Variants in ADGRL3 observed in about 807,000 individuals in gnomAD.
ADGRL3 encodes the protein adhesion G protein-coupled receptor L3, also known as calcium-independent alpha-latrotoxin receptor 3.
ADGRL3 carries 62 observed loss-of-function variants against 153.5 expected under a neutral mutation model. That is an observed-to-expected ratio of 0.40 (90% CI 0.33 to 0.50). The LOEUF is 0.50. ADGRL3 is among the 20% of genes least tolerant of loss of function. The probability of loss-of-function intolerance (pLI) is 0.47; values close to 1 mark genes in which losing one functional copy is unlikely to be tolerated. For missense variants in ADGRL3, 1,641 were observed against 1,859.4 expected (o/e 0.88, Z 2.16); for synonymous variants, 710 against 672.5 (o/e 1.06, Z -0.86).
chr4:61,640,869 A>G (rs894960396), intron 5 of ADGRL3, among the ~76,000 whole-genome samples: 1 of 152,182 alleles, frequency 6.6e-6, no homozygotes, highest in Non-Finnish European at 1.5e-5. Context: ...TTTGTGAATT[A>G]ACCAGAATTT....
intron 23 of ADGRL3, among the ~76,000 whole-genome samples, chr4:62,032,053 T>C (rs1306122997): frequency 3.3e-5 from 5 of 151,454 alleles, no homozygotes; most frequent in Non-Finnish European, 7.4e-5. Flanking sequence ...TTTCTGTTTC[T>C]TCAAACACTA....
chr4:61,651,526 G>A (rs2094248621), intron 5 of ADGRL3, among the ~76,000 whole-genome samples: 1 of 152,052 alleles, frequency 6.6e-6, no homozygotes, highest in Non-Finnish European at 1.5e-5. Flanking sequence ...ACTAGTATTT[G>A]TTTGGGGGAG....
intron 2 of ADGRL3, among the ~76,000 whole-genome samples, chr4:61,482,795 T>A (rs1010766775): frequency 7.2e-5 from 11 of 152,322 alleles, no homozygotes; most frequent in African/African-American, 1.9e-4. Context: ...AAAATAGTTT[T>A]GGAAAGCCAC....
chr4:61,978,994 G>A (rs756238218), intron 17 of ADGRL3, among the ~76,000 whole-genome samples: 2 of 152,102 alleles, frequency 1.3e-5, no homozygotes, highest in Admixed American at 6.6e-5. Flanking sequence ...GTGCACATGT[G>A]TGGCTATTCA....
chr4:61,460,894 AC>A (rs1195451243), intron 2 of ADGRL3, among the ~76,000 whole-genome samples: 2 of 152,030 alleles, frequency 1.3e-5, no homozygotes, highest in Non-Finnish European at 2.9e-5. Flanking sequence ...CAATGGTGAA[AC>A]CCTGTCTCTA....
intron 4 of ADGRL3, among the ~76,000 whole-genome samples, chr4:61,529,995 C>A (rs1261563609): frequency 6.6e-6 from 1 of 152,080 alleles, no homozygotes; most frequent in East Asian, 1.9e-4. Context: ...TATTCCTTAT[C>A]TGTACATTGA....
chr4:61,652,525 C>G (rs2094297119), intron 5 of ADGRL3, among the ~76,000 whole-genome samples: 1 of 152,104 alleles, frequency 6.6e-6, no homozygotes, highest in Admixed American at 6.6e-5. Context: ...ACCCATCTCT[C>G]CTACATGACC....
At chr4:61,835,787 C>A (rs1047772525) in intron 9 of ADGRL3, among the ~76,000 whole-genome samples, 1 of 152,110 alleles carries the variant, frequency 6.6e-6, no homozygotes, top group African/African-American at 2.4e-5. Context: ...CGAATCATTC[C>A]AGAAGCCAAG....
chr4:61,397,717 C>G (rs542687758), intron 2 of ADGRL3, among the ~76,000 whole-genome samples: 1 of 151,810 alleles, frequency 6.6e-6, no homozygotes, highest in African/African-American at 2.4e-5. Context: ...AGCTAATTTC[C>G]TATAAAAAAA....
At chr4:61,984,794 GCAAAGTA>G (rs1242891446) in intron 19 of ADGRL3, among the ~76,000 whole-genome samples, 1 of 152,014 alleles carries the variant, frequency 6.6e-6, no homozygotes, top group Non-Finnish European at 1.5e-5. Context: ...AGCCATTTTT[GCAAAGTA>G]CTAGAAGCAG....
intron 21 of ADGRL3, among the ~76,000 whole-genome samples, chr4:62,024,675 A>C (rs1246182605): frequency 6.6e-6 from 1 of 152,116 alleles, no homozygotes; most frequent in East Asian, 1.9e-4. Context: ...TCACGCCTGT[A>C]ATCCCAGCAC....
intron 1 of ADGRL3, among the ~76,000 whole-genome samples, chr4:61,363,262 C>T (rs1295138626): frequency 6.6e-6 from 1 of 152,090 alleles, no homozygotes; most frequent in Non-Finnish European, 1.5e-5. Flanking sequence ...TACCTTCCTA[C>T]TGCTGTGGGT....
At chr4:61,217,426 C>T (rs1191743284) in intron 1 of ADGRL3, among the ~76,000 whole-genome samples, 1 of 152,180 alleles carries the variant, frequency 6.6e-6, no homozygotes, top group East Asian at 1.9e-4. Context: ...CAAGCATGTT[C>T]TGGTGGAGGA....
At chr4:61,855,404 G>A (rs1197815971) in intron 9 of ADGRL3, among the ~76,000 whole-genome samples, 1 of 152,122 alleles carries the variant, frequency 6.6e-6, no homozygotes, top group Admixed American at 6.5e-5. Context: ...AGCAGTCAAA[G>A]CTAGAAAAAA....
At chr4:61,835,645 T>A (rs969157166) in intron 9 of ADGRL3, among the ~76,000 whole-genome samples, 8 of 152,136 alleles carry the variant, frequency 5.3e-5, no homozygotes, top group Non-Finnish European at 1.2e-4. Flanking sequence ...AAGGAGTTTC[T>A]TTTTTACAAG....
At chr4:61,933,363 A>G (rs2098825638) in intron 13 of ADGRL3, among the ~76,000 whole-genome samples, 4 of 151,948 alleles carry the variant, frequency 2.6e-5, no homozygotes, top group Admixed American at 2.6e-4. Flanking sequence ...AACTTCCAGG[A>G]AAGCGGATCA....
At chr4:61,744,336 T>G (rs2096624345) in intron 8 of ADGRL3, among the ~76,000 whole-genome samples, 1 of 152,148 alleles carries the variant, frequency 6.6e-6, no homozygotes, top group South Asian at 2.1e-4. Flanking sequence ...TAAGTGTCCC[T>G]GTTTAAGAGC....
intron 2 of ADGRL3, among the ~76,000 whole-genome samples, chr4:61,461,294 T>C (rs2097813484): frequency 6.6e-6 from 1 of 152,184 alleles, no homozygotes; most frequent in African/African-American, 2.4e-5. Context: ...TAATAAATTC[T>C]AGTGTTTGAC....
chr4:61,946,151 C>T (rs1432582973), intron 15 of ADGRL3, among the ~76,000 whole-genome samples: 2 of 152,106 alleles, frequency 1.3e-5, no homozygotes, highest in Non-Finnish European at 2.9e-5. Flanking sequence ...AAATATTTTT[C>T]CAAACAGTTG....
Sources: allele counts gnomAD v4.1 joint callset (sites outside exome capture counted in the v4.1 genomes callset), GRCh38; gene constraint gnomAD v4.1.1; transcripts MANE v1.5; gene names NCBI Gene and HGNC (gene_info 2026-07-23, HGNC 2026-07-21).